The following CHL1 variants were observed in gnomAD, a reference collection of about 807,000 sequenced individuals.
The protein encoded by CHL1 is cell adhesion molecule L1 like.
Under a neutral mutation model 141.9 loss-of-function variants are expected in CHL1, and 96 were observed. The ratio of observed to expected loss-of-function variants is 0.68; its 90% confidence interval spans 0.57 to 0.80. The LOEUF is 0.80. Ranked by LOEUF, CHL1 falls within the 30% of genes least tolerant of loss-of-function variation. CHL1 has a pLI of 0.00. For synonymous variants in CHL1, 613 were observed against 502.2 expected, an observed-to-expected ratio of 1.22 and a Z score of -2.95; for missense variants, 1,820 against 1,457.2, an observed-to-expected ratio of 1.25 and a Z score of -4.05.
At chr3:378,510 C>T (rs1027135374) in intron 16 of CHL1, among the ~76,000 whole-genome samples, 2 of 152,170 alleles carry the variant, frequency 1.3e-5, no homozygotes, top group Non-Finnish European at 2.9e-5. Flanking sequence ...GCAATTACTC[C>T]TGAAATCACC....
At chr3:234,372 G>A (rs183666145) in intron 1 of CHL1, among the ~76,000 whole-genome samples, 183 of 152,190 alleles carry the variant, frequency 1.2e-3, no homozygotes, top group African/African-American at 4.4e-3. Flanking sequence ...TAGAAAGCGA[G>A]TTTCTGCTGG....
chr3:369,413 T>C (rs556197139), intron 15 of CHL1, among the ~76,000 whole-genome samples: 14 of 152,322 alleles, frequency 9.2e-5, no homozygotes, highest in Non-Finnish European at 1.9e-4. Flanking sequence ...CTATTGCTGG[T>C]GTAAAGGAAT....
chr3:197,887 T>TTTGGG (rs1698514712), intron 1 of CHL1: 1 of 433,226 alleles, frequency 2.3e-6, no homozygotes, highest in Non-Finnish European at 4.6e-6. Flanking sequence ...TTTTTTTTTT[T>TTTGGG]GGAGTGTGAG....
At chr3:217,583 C>G (rs1023962000) in intron 1 of CHL1, 2 of 152,404 alleles carry the variant, frequency 1.3e-5, no homozygotes, top group South Asian at 2.1e-4. Flanking sequence ...GCAGAGTTCC[C>G]AGCAGAGGGG....
intron 5 of CHL1, among the ~76,000 whole-genome samples, chr3:333,124 A>ATTTTTCTTTTTTTTTTTTTTTTTT (rs1701576849): frequency 1.2e-5 from 1 of 83,312 alleles, no homozygotes; most frequent in Non-Finnish European, 2.1e-5. Context: ...TAATTGCTCT[A>ATTTTTCTTTTTTTTTTTTTTTTTT]TTTTTTTTAT....
At chr3:261,472 G>A (rs991324198) in intron 2 of CHL1, among the ~76,000 whole-genome samples, 1 of 152,132 alleles carries the variant, frequency 6.6e-6, no homozygotes, top group Non-Finnish European at 1.5e-5. Flanking sequence ...TTAAAAGTAA[G>A]CATTGGGCTG....
intron 1 of CHL1, among the ~76,000 whole-genome samples, chr3:237,862 A>C (rs1353246410): frequency 3.3e-5 from 5 of 152,206 alleles, no homozygotes; most frequent in African/African-American, 1.2e-4. Context: ...AAGAAATGGT[A>C]AAACTCGTGA....
At chr3:381,468 G>C (rs1268069974) in intron 16 of CHL1, among the ~76,000 whole-genome samples, 1 of 152,202 alleles carries the variant, frequency 6.6e-6, no homozygotes, top group African/African-American at 2.4e-5. Context: ...TGGCTTGCAG[G>C]TGAAGGTATT....
intron 2 of CHL1, among the ~76,000 whole-genome samples, chr3:280,902 A>ACACACATGCAC (rs1696584547): frequency 6.6e-6 from 1 of 150,968 alleles, no homozygotes; most frequent in African/African-American, 2.5e-5. Flanking sequence ...CCACACACAC[A>ACACACATGCAC]CACACATGCA....
At chr3:368,852 T>A (rs960641885) in intron 15 of CHL1, among the ~76,000 whole-genome samples, 8 of 152,218 alleles carry the variant, frequency 5.3e-5, no homozygotes, top group Non-Finnish European at 1.2e-4. Context: ...GAATAGGAGA[T>A]CCTTTCCCCA....
intron 2 of CHL1, chr3:308,646 T>A (rs1332005739): frequency 6.7e-6 from 1 of 150,144 alleles, no homozygotes; most frequent in Non-Finnish European, 1.5e-5. Flanking sequence ...GATATCTATA[T>A]TATATAATAT....
At position 258,537 on chromosome 3, in the gene CHL1, C is replaced by T. The variant is rs533521038; in HGVS notation, c.-95+13845C>T. On this transcript the variant is annotated intron_variant, in intron 2 of 27. Transcript: ENST00000256509. ...TTAAAATCGAAACCCTGTTCTATTACTTTCACATGTTTGAAGATAGATTTC... is the reference window on the plus strand; with the variant it reads ...TTAAAATCGAAACCCTGTTCTATTATTTTCACATGTTTGAAGATAGATTTC... Among the ~76,000 whole-genome samples the T allele has an allele frequency of 3.9e-5, 6 of 152,334 alleles. No homozygotes were observed. The South Asian group carries it at 1.2e-3, about 32-fold the overall frequency.
chr3:289,486 C>A (rs530381952), intron 2 of CHL1, among the ~76,000 whole-genome samples: 2 of 152,100 alleles, frequency 1.3e-5, no homozygotes, highest in African/African-American at 4.8e-5. Flanking sequence ...ATTTATCCAT[C>A]TCTCATTATT....
At chr3:238,141 CT>C (rs1692176258) in intron 1 of CHL1, among the ~76,000 whole-genome samples, 1 of 152,056 alleles carries the variant, frequency 6.6e-6, no homozygotes, top group Admixed American at 6.6e-5. Flanking sequence ...TATCATTTTC[CT>C]TTTTAAAAGA....
chr3:335,212 A>C (rs1304203578), intron 5 of CHL1, among the ~76,000 whole-genome samples: 1 of 152,224 alleles, frequency 6.6e-6, no homozygotes, highest in Non-Finnish European at 1.5e-5. Context: ...CCTAAGTGCA[A>C]ATCAACAAAA....
At chr3:199,193 C>A (rs1698700270) in intron 1 of CHL1, among the ~76,000 whole-genome samples, 1 of 152,140 alleles carries the variant, frequency 6.6e-6, no homozygotes, top group South Asian at 2.1e-4. Flanking sequence ...AATGGCAGAA[C>A]GTAGTGTATA....
At chr3:234,694 G>T (rs771212042) in intron 1 of CHL1, among the ~76,000 whole-genome samples, 3 of 152,090 alleles carry the variant, frequency 2.0e-5, no homozygotes, top group Admixed American at 6.6e-5. Context: ...AGGTGCAATG[G>T]CTCAAGCAGG....
chr3:349,716 G>A (rs1056178791), intron 10 of CHL1, among the ~76,000 whole-genome samples, 173 bp downstream of exon 10: 3 of 152,020 alleles, frequency 2.0e-5, no homozygotes, highest in Non-Finnish European at 4.4e-5. Context: ...TGTCATTTAC[G>A]CCCCAAAATG....
intron 6 of CHL1, among the ~76,000 whole-genome samples, chr3:341,511 G>GT (rs1702346884): frequency 2.0e-5 from 3 of 152,192 alleles, no homozygotes; most frequent in South Asian, 2.1e-4. Context: ...AGAGCTTTTT[G>GT]TTTTTTCTTT....
Sources: allele counts gnomAD v4.1 joint callset (sites outside exome capture counted in the v4.1 genomes callset), GRCh38; gene constraint gnomAD v4.1.1; transcripts MANE v1.5; gene names NCBI Gene and HGNC (gene_info 2026-07-23, HGNC 2026-07-21).